The following ASMTL variants were observed in gnomAD, a reference collection of about 807,000 sequenced individuals.
ASMTL encodes probable bifunctional dTTP/UTP pyrophosphatase/methyltransferase protein.
A neutral mutation model predicts 60.3 loss-of-function variants in ASMTL; 57 were observed. That is an observed-to-expected ratio of 0.95 (90% confidence interval 0.76 to 1.18). ASMTL has a LOEUF of 1.18. Among genes scored for constraint, ASMTL ranks in the 50% most tolerant of loss-of-function variants. The pLI is 0.00. For missense variants in ASMTL, 981 were observed against 852.6 expected, an observed-to-expected ratio of 1.15 and a Z score of -1.88; for synonymous variants, 419 against 373.0, an observed-to-expected ratio of 1.12 and a Z score of -1.42.
At chrX:1,425,428 G>A in intron 8 of ASMTL, 97 bp downstream of exon 8, 1 of 1,353,806 alleles carries the variant, frequency 7.4e-7, no homozygotes, top group South Asian at 1.4e-5. Flanking sequence ...AGAAGGTGTG[G>A]GCCTCCTTCC....
At chrX:1,434,376 G>C (rs1331470262) in intron 5 of ASMTL, among the ~76,000 whole-genome samples, 2 of 151,906 alleles carry the variant, frequency 1.3e-5, no homozygotes, top group Admixed American at 6.6e-5. Context: ...TGTAGTTTCT[G>C]TGACTGTAGG....
chrX:1,440,976 CAT>C (rs1416156162), intron 2 of ASMTL, among the ~76,000 whole-genome samples: 1 of 151,910 alleles, frequency 6.6e-6, no homozygotes, highest in African/African-American at 2.4e-5. Flanking sequence ...TATATTCAAA[CAT>C]AGTAACAAGC....
chrX:1,443,728 C>G (rs2091172613), intron 1 of ASMTL, among the ~76,000 whole-genome samples: 1 of 140,108 alleles, frequency 7.1e-6, no homozygotes, highest in Non-Finnish European at 1.6e-5. Flanking sequence ...TGGACACACA[C>G]CCCCATCGTG....
chrX:1,403,819 G>C (rs766734103), intron 12 of ASMTL, among the ~76,000 whole-genome samples: 1 of 152,178 alleles, frequency 6.6e-6, no homozygotes, highest in African/African-American at 2.4e-5. Flanking sequence ...ATAGGTGGAC[G>C]CATGGATGAG....
chrX:1,434,914 C>T, intron 5 of ASMTL, 108 bp downstream of exon 5: 1 of 1,197,912 alleles, frequency 8.3e-7, no homozygotes, highest in Non-Finnish European at 1.2e-6. Flanking sequence ...AACCCCTCCA[C>T]AGGTGGGGGT....
chrX:1,425,708 G>C, intron 7 of ASMTL, 21 bp from the exon 8 acceptor site: 1 of 1,611,324 alleles, frequency 6.2e-7, no homozygotes, highest in Non-Finnish European at 8.5e-7. Flanking sequence ...CAAGTGCAGA[G>C]AGACTCATTA....
intron 4 of ASMTL, 40 bp from the exon 5 acceptor site, chrX:1,435,123 A>AC: frequency 6.2e-7 from 1 of 1,606,590 alleles, no homozygotes; most frequent in Non-Finnish European, 8.5e-7. Context: ...CCATGCTGTG[A>AC]CCCGTGGGAG....
chrX:1,442,025 C>T, intron 2 of ASMTL, 161 bp downstream of exon 2: 2 of 760,244 alleles, frequency 2.6e-6, no homozygotes, highest in Non-Finnish European at 4.5e-6. Flanking sequence ...TATTAGGTTA[C>T]TGCAATAGTG....
intron 5 of ASMTL, among the ~76,000 whole-genome samples, chrX:1,434,287 C>T (rs1474769005): frequency 2.0e-5 from 3 of 151,900 alleles, no homozygotes; most frequent in Non-Finnish European, 2.9e-5. Flanking sequence ...CCCAGGAGTT[C>T]GAGACCAGTC....
At chrX:1,411,806 C>CTTTTTTTTTTTTTTT (rs756437483) in intron 12 of ASMTL, among the ~76,000 whole-genome samples, 5 of 86,172 alleles carry the variant, frequency 5.8e-5, no homozygotes, top group South Asian at 5.4e-4. Context: ...TTAGGATTTT[C>CTTTTTTTTTTTTTTT]TTTTTTTTTT....
At chrX:1,422,807 T>C (rs1416205876) in intron 8 of ASMTL, among the ~76,000 whole-genome samples, 1 of 152,136 alleles carries the variant, frequency 6.6e-6, no homozygotes, top group Non-Finnish European at 1.5e-5. Context: ...ATGAGACCTA[T>C]GGTGAAGCAG....
chrX:1,406,627 C>T (rs866698069), intron 12 of ASMTL, among the ~76,000 whole-genome samples: 1 of 144,788 alleles, frequency 6.9e-6, no homozygotes, highest in East Asian at 2.1e-4. Flanking sequence ...TAGATGGATG[C>T]ATGGATGTGA....
At chrX:1,445,169 C>T (rs1299977425) in intron 1 of ASMTL, among the ~76,000 whole-genome samples, 1 of 152,170 alleles carries the variant, frequency 6.6e-6, no homozygotes, top group Admixed American at 6.5e-5. Context: ...CTCGGAGGAC[C>T]AGCGGCACTA....
intron 3 of ASMTL, among the ~76,000 whole-genome samples, chrX:1,436,062 C>A (rs760063716): frequency 4.1e-4 from 63 of 152,242 alleles, no homozygotes; most frequent in South Asian, 6.2e-4. Flanking sequence ...TTGCCTGTTG[C>A]GGACGTGGTG....
chrX:1,435,396 G>C, intron 4 of ASMTL: 1 of 605,212 alleles, frequency 1.7e-6, no homozygotes, highest in Non-Finnish European at 2.9e-6. Flanking sequence ...CCAGGCTACG[G>C]GCTCAGGTCC....
At chrX:1,432,057 C>A (rs1396524640) in intron 6 of ASMTL, 5 of 596,754 alleles carry the variant, frequency 8.4e-6, no homozygotes, top group East Asian at 2.8e-5. Context: ...CACCCTGCCC[C>A]TCTCTGTCCT....
At chrX:1,438,375 A>G (rs1400794180) in intron 3 of ASMTL, among the ~76,000 whole-genome samples, 3 of 152,236 alleles carry the variant, frequency 2.0e-5, no homozygotes, top group African/African-American at 4.8e-5. Context: ...CCACAGGGCC[A>G]TGAGCCAAAG....
At chrX:1,413,339 G>A (rs1280519516) in intron 11 of ASMTL, among the ~76,000 whole-genome samples, 17 of 140,190 alleles carry the variant, frequency 1.2e-4, no homozygotes, top group Non-Finnish European at 2.6e-4. Flanking sequence ...TCCAGCCTGG[G>A]CGACAAGAAG....
At chrX:1,437,256 T>C (rs1451255138) in intron 3 of ASMTL, among the ~76,000 whole-genome samples, 37 of 152,138 alleles carry the variant, frequency 2.4e-4, no homozygotes, top group Non-Finnish European at 4.3e-4. Flanking sequence ...TCTCCCTGTG[T>C]CCTCACAGGG....
Sources: allele counts gnomAD v4.1 joint callset (sites outside exome capture counted in the v4.1 genomes callset), GRCh38; gene constraint gnomAD v4.1.1; transcripts MANE v1.5; gene names NCBI Gene and HGNC (gene_info 2026-07-23, HGNC 2026-07-21).